The following UGT2A1 variants were observed in gnomAD, a reference collection of about 807,000 sequenced individuals.
UGT2A1 encodes the protein UDP-glucuronosyltransferase 2A1.
A neutral mutation model predicts 45.4 loss-of-function variants in UGT2A1; 61 were observed. The ratio of observed to expected loss-of-function variants is 1.34; its 90% CI spans 1.09 to 1.66. The LOEUF (loss-of-function observed/expected upper bound fraction) is 1.66, where lower values mean the gene tolerates loss of function less well. Among genes scored for constraint, UGT2A1 ranks in the 40% most tolerant of loss-of-function variants. UGT2A1 has a pLI of 0.00. For synonymous variants in UGT2A1, 229 were observed against 196.2 expected (o/e 1.17, Z -1.40); for missense variants, 649 against 574.3 (o/e 1.13, Z -1.33).
intron 4 of UGT2A1, chr4:69,596,413 G>C (rs753428849): frequency 4.8e-6 from 7 of 1,469,758 alleles, no homozygotes; most frequent in Non-Finnish European, 6.3e-6. Flanking sequence ...TATTACAAAG[G>C]TGTAGCATCA....
intron 3 of UGT2A1, among the ~76,000 whole-genome samples, chr4:69,611,820 T>C (rs1720078096): frequency 6.6e-6 from 1 of 152,088 alleles, no homozygotes; most frequent in Admixed American, 6.6e-5. Flanking sequence ...CACAGTATGT[T>C]TTAGGGTGGG....
chr4:69,636,791 A>G (rs1359775504), intron 2 of UGT2A1, among the ~76,000 whole-genome samples: 27 of 152,278 alleles, frequency 1.8e-4, no homozygotes, highest in Non-Finnish European at 2.9e-5. Context: ...TTGACATGGA[A>G]TAGCCACATA....
chr4:69,639,033 G>T (rs185641136), intron 2 of UGT2A1: 2 of 1,613,194 alleles, frequency 1.2e-6, no homozygotes, highest in East Asian at 4.5e-5. Flanking sequence ...TAAGGCTGCC[G>T]GTACATAGGA....
In UGT2A1 at chr4:69,589,329, T is replaced by C. The variant is rs1329123855; in HGVS notation, c.*43A>G. 1.3e-6 allele frequency: 2 copies of C among 1,531,274 alleles called. No homozygotes were observed. The highest frequency in any genetic ancestry group is 1.4e-5 in the African/African-American group (1 of 72,162). 94.9% of individuals were successfully genotyped at this position (1,531,274 alleles called of 1,614,324 possible). The stretch of plus-strand genomic sequence containing the variant: ...TTAATAGGACTACACTACTCAGGAT[T>C]TTGCCAAACTTAAAAATATATATAT... On this transcript the variant is annotated 3_prime_UTR_variant, in exon 7 of 7. Coordinates refer to ENST00000286604, the MANE Select transcript of UGT2A1 (RefSeq NM_001252275.3).
Position 69,599,394 on chromosome 4 carries a change from C to T in UGT2A1, c.848G>A (p.Gly283Glu), listed in dbSNP as rs1453437995. ...HCSWDYRLPA[G>E]RPTTLCETMG... Reference sequence around the variant, plus strand: ...AGTCTCACATAACGTAGTGGGTCTTCCTGGAGAAAATGTAACAAGTTGGAT... The same window carrying T: ...AGTCTCACATAACGTAGTGGGTCTTTCTGGAGAAAATGTAACAAGTTGGAT... The change falls in exon 4 of 7, where the codon GGA (glycine) becomes GAA (glutamate). Residue 283 changes from glycine to glutamate, a missense_variant and splice_region_variant. Transcript: ENST00000286604. 1 of 1,611,884 alleles carries T rather than the reference C, an allele frequency of 6.2e-7. No individual in the cohort carries two copies.
At chr4:69,640,348 G>T (rs184152477) in intron 2 of UGT2A1, among the ~76,000 whole-genome samples, 277 of 152,044 alleles carry the variant, frequency 1.8e-3, no homozygotes, top group African/African-American at 6.4e-3. Flanking sequence ...AATAGTATCT[G>T]TAAAGCTACT....
chr4:69,626,963 T>A (rs1319833578), intron 3 of UGT2A1, among the ~76,000 whole-genome samples: 1 of 151,820 alleles, frequency 6.6e-6, no homozygotes. Flanking sequence ...GACTTCTGTT[T>A]TCGCTGCCTC....
chr4:69,647,460 G>A lies in UGT2A1; in HGVS notation c.185C>T (p.Thr62Ile). The A allele has an allele frequency of 6.2e-7, 1 of 1,613,034 alleles. No individual in the cohort carries two copies. Among genetic ancestry groups the A allele is most frequent in the Non-Finnish European group, 8.5e-7 (1 of 1,179,390 alleles). The stretch of plus-strand genomic sequence containing the variant: ...TGTCAGAGATGGGTTAGAGGTTGGT[G>A]TGATGAAAAGTGCACCAGAGGCAAC... The part of the protein sequence containing the change: ...VLVASGALFI[T>I]PTSNPSLTFE... Residue 62 changes from threonine to isoleucine, a missense_variant, in exon 2 of 7, where the codon ACA becomes ATA. Thr to Ile is a moderately conservative substitution (Grantham distance 89). Coordinates refer to ENST00000286604, the MANE Select transcript of UGT2A1 (RefSeq NM_001252275.3).
At chr4:69,625,092 T>G (rs1720966888) in intron 3 of UGT2A1, among the ~76,000 whole-genome samples, 1 of 151,274 alleles carries the variant, frequency 6.6e-6, no homozygotes, top group Non-Finnish European at 1.5e-5. Context: ...AATTTTAATT[T>G]ATTTTAGTAC....
intron 2 of UGT2A1, chr4:69,639,450 G>T (rs750896308): frequency 1.2e-6 from 2 of 1,612,974 alleles, no homozygotes; most frequent in Non-Finnish European, 1.7e-6. Flanking sequence ...AGTTGCTGAT[G>T]AAGCCAGTAC....
rs543250838 is a variant in UGT2A1 at position 69,605,161 on chromosome 4, A to G, written c.848-5767T>C. Among the ~76,000 whole-genome samples, 2 of 137,070 alleles carry G rather than the reference A, an allele frequency of 1.5e-5. 1 individual carries two copies. Among genetic ancestry groups the G allele is most frequent in the South Asian group, 4.8e-4 (2 of 4,182 alleles). 89.9% of individuals were successfully genotyped at this position (137,070 alleles called of 152,430 possible). On this transcript the variant is annotated intron_variant, in intron 3 of 6. Coordinates refer to ENST00000286604, the MANE Select transcript of UGT2A1 (RefSeq NM_001252275.3). ...CCGCACTTATTCCAAAATTGACCAC[A>G]TAGTTGGAAGTAAAGCACTCCTCAG...
intron 3 of UGT2A1, among the ~76,000 whole-genome samples, chr4:69,629,224 G>A (rs186100521): frequency 1.1e-3 from 172 of 152,120 alleles, no homozygotes; most frequent in African/African-American, 4.1e-3. Context: ...AGGGAGCCAG[G>A]TAATACAGTC....
At chr4:69,631,614 T>G (rs1721390582) in intron 3 of UGT2A1, among the ~76,000 whole-genome samples, 2 of 152,194 alleles carry the variant, frequency 1.3e-5, no homozygotes, top group Non-Finnish European at 1.5e-5. Flanking sequence ...TTCAATGTAG[T>G]CAGATATTTG....
chr4:69,599,219 T>C, intron 4 of UGT2A1, 27 bp downstream of exon 4: 1 of 1,587,678 alleles, frequency 6.3e-7, no homozygotes, highest in Non-Finnish European at 8.5e-7. Context: ...ATGAAGAGCA[T>C]AAAATCCTCC....
Position 69,647,565 on chromosome 4 carries a change from G to A in UGT2A1, c.80C>T (p.Pro27Leu). The A allele has an allele frequency of 1.2e-6, 2 of 1,611,688 alleles. No homozygotes were observed. Among genetic ancestry groups the A allele is most frequent in the Non-Finnish European group, 1.7e-6 (2 of 1,178,798 alleles). ...ATTTAGCCAATGACTACCTTCCATT[G>A]GCCAAATCAAAACATTCCCACCAAG... ...TTLGGNVLIW[P>L]MEGSHWLNVK... Residue 27 changes from proline (P) to leucine (L), a missense_variant, in exon 2 of 7, where the codon CCA becomes CTA. Transcript: ENST00000286604.
Position 69,589,375 on chromosome 4 carries a change from TTC to T in UGT2A1, c.1579_1580del (p.Glu527IlefsTer18), listed in dbSNP as rs745484922. On this transcript the variant is annotated frameshift_variant, in exon 7 of 7. Coordinates refer to ENST00000286604, the MANE Select transcript of UGT2A1 (RefSeq NM_001252275.3). LOFTEE classifies it high-confidence loss of function. ...TATATTTCCTCTTTTTCTTGACCTA[TTC>T]TCTTTTTTTCTTCTTTCCTATCTTA... is the stretch of plus-strand genomic sequence containing the variant. ...FGKIGKKKKR[E>X] 1.1e-5 allele frequency: 17 copies of T among 1,610,316 alleles called. No individual in the cohort carries two copies. The Admixed American group carries it at 2.9e-4, about 27-fold the overall frequency.
At chr4:69,648,691 T>C (rs1006188370) in intron 1 of UGT2A1, among the ~76,000 whole-genome samples, 3 of 151,998 alleles carry the variant, frequency 2.0e-5, no homozygotes, top group Non-Finnish European at 4.4e-5. Context: ...TAAGAAAATA[T>C]TACTTATTGG....
intron 2 of UGT2A1, among the ~76,000 whole-genome samples, chr4:69,640,619 G>T (rs906197785): frequency 6.6e-6 from 1 of 151,738 alleles, no homozygotes; most frequent in East Asian, 1.9e-4. Flanking sequence ...TGATTAAAAG[G>T]ATAAAAATCA....
intron 3 of UGT2A1, among the ~76,000 whole-genome samples, chr4:69,629,266 C>T (rs10011630): frequency 0.043 from 6,583 of 152,004 alleles, 190 homozygotes; most frequent in African/African-American, 0.069. Flanking sequence ...CTATGAATAG[C>T]GTTCATTCAG....
Sources: allele counts gnomAD v4.1 joint callset (sites outside exome capture counted in the v4.1 genomes callset), GRCh38; gene constraint gnomAD v4.1.1; transcripts MANE v1.5; gene names NCBI Gene and HGNC (gene_info 2026-07-23, HGNC 2026-07-21).